Variants in KIF26B observed in about 807,000 individuals in gnomAD.
KIF26B encodes the protein kinesin-like protein KIF26B.
KIF26B carries 63 observed loss-of-function variants against 151.2 expected under a neutral mutation model. That is an observed-to-expected ratio of 0.42 (90% CI 0.34 to 0.51). The LOEUF is 0.51. Ranked by LOEUF, KIF26B falls within the 20% of genes least tolerant of loss-of-function variation. The pLI is 0.07. For synonymous variants in KIF26B, 1,357 were observed against 1,262.1 expected (o/e 1.08, Z -1.59); for missense variants, 2,813 against 2,913.6 (o/e 0.97, Z 0.79).
chr1:245,418,967 C>T (rs1024206349), intron 3 of KIF26B, among the ~76,000 whole-genome samples: 3 of 152,158 alleles, frequency 2.0e-5, no homozygotes, highest in South Asian at 2.1e-4. Flanking sequence ...AATGAACCAG[C>T]AGGAAAATGA....
intron 9 of KIF26B, among the ~76,000 whole-genome samples, chr1:245,632,506 A>G (rs1261277841): frequency 6.6e-6 from 1 of 152,254 alleles, no homozygotes; most frequent in Non-Finnish European, 1.5e-5. Context: ...CACTTGAATG[A>G]AATGCTCTCT....
Position 245,287,498 on chromosome 1 carries a change from C to CT in KIF26B, c.466-79317dup, listed in dbSNP as rs1334935128. Among the ~76,000 whole-genome samples, 215 of 109,316 alleles carry CT rather than the reference C, an allele frequency of 2.0e-3. 3 individuals carry two copies. The East Asian group carries it at 0.025, about 13-fold the overall frequency. The allele number at this position is 109,316 out of a possible 152,430, so 71.7% of individuals were successfully genotyped here. A position where few individuals can be genotyped will look rare whatever the true frequency, so the allele number is the denominator to read the frequency against. On this transcript the variant is annotated intron_variant, in intron 2 of 14. Transcript: ENST00000407071. Reference sequence around the variant, plus strand: ...CCCTGTGTGTCTCATCTCTCTCTCTCTTTTTTTTTTTTTTTTTTTCCTGTG... The same window carrying CT: ...CCCTGTGTGTCTCATCTCTCTCTCTCTTTTTTTTTTTTTTTTTTTTCCTGTG...
At chr1:245,176,789 G>C (rs73125054) in intron 2 of KIF26B, among the ~76,000 whole-genome samples, 2 of 151,972 alleles carry the variant, frequency 1.3e-5, no homozygotes, top group Non-Finnish European at 2.9e-5. Flanking sequence ...GACTTTTAAC[G>C]GTCATGTTTA....
At chr1:245,175,914 A>G (rs1467618045) in intron 2 of KIF26B, among the ~76,000 whole-genome samples, 1 of 123,268 alleles carries the variant, frequency 8.1e-6, no homozygotes, top group Non-Finnish European at 1.7e-5. Context: ...ATATATCTAT[A>G]TCTATATCTA....
chr1:245,543,807 GC>G (rs1270381687), intron 5 of KIF26B, among the ~76,000 whole-genome samples: 9 of 152,142 alleles, frequency 5.9e-5, no homozygotes. Flanking sequence ...AATTAGCCAA[GC>G]TTGGCGGCAC....
At chr1:245,251,839 G>T (rs1220006225) in intron 2 of KIF26B, among the ~76,000 whole-genome samples, 1 of 151,830 alleles carries the variant, frequency 6.6e-6, no homozygotes, top group Non-Finnish European at 1.5e-5. Flanking sequence ...TTGATTCTTG[G>T]CTCTTATGAC....
chr1:245,520,080 C>T (rs966660969), intron 4 of KIF26B, among the ~76,000 whole-genome samples: 4 of 134,522 alleles, frequency 3.0e-5, no homozygotes, highest in African/African-American at 2.8e-5. Flanking sequence ...ATTAAATTTT[C>T]GTAGTGTAAA....
chr1:245,370,315 C>T (rs1483669267), intron 3 of KIF26B, among the ~76,000 whole-genome samples: 1 of 151,684 alleles, frequency 6.6e-6, no homozygotes, highest in Non-Finnish European at 1.5e-5. Context: ...ATTTTCCACG[C>T]TATGGAGATG....
At chr1:245,421,821 A>C (rs1032348935) in intron 4 of KIF26B, among the ~76,000 whole-genome samples, 4 of 152,068 alleles carry the variant, frequency 2.6e-5, no homozygotes, top group Non-Finnish European at 4.4e-5. Flanking sequence ...TGTGGAAATG[A>C]GGGGGGCCTG....
intron 2 of KIF26B, among the ~76,000 whole-genome samples, chr1:245,156,976 C>T (rs1668448881): frequency 1.3e-5 from 2 of 152,366 alleles, no homozygotes; most frequent in African/African-American, 4.8e-5. Flanking sequence ...TCTCCTGCCG[C>T]CCCCTCCCAG....
chr1:245,343,028 G>A (rs1349133447), intron 2 of KIF26B, among the ~76,000 whole-genome samples: 1 of 149,212 alleles, frequency 6.7e-6, no homozygotes, highest in East Asian at 2.0e-4. Context: ...GGAGCTTGCA[G>A]TGAGCCGAGA....
chr1:245,662,485 CAATAT>C (rs1473816074), intron 10 of KIF26B, among the ~76,000 whole-genome samples: 1 of 76,732 alleles, frequency 1.3e-5, no homozygotes. Context: ...TACACACACC[CAATAT>C]ATATATATGT....
intron 9 of KIF26B, among the ~76,000 whole-genome samples, chr1:245,626,514 A>G (rs2043726239): frequency 6.6e-6 from 1 of 151,752 alleles, no homozygotes; most frequent in Non-Finnish European, 1.5e-5. Context: ...ACATTTTTTC[A>G]CATACCTGGT....
intron 10 of KIF26B, among the ~76,000 whole-genome samples, chr1:245,671,828 C>T (rs1486872358): frequency 6.6e-6 from 1 of 152,178 alleles, no homozygotes; most frequent in Non-Finnish European, 1.5e-5. Flanking sequence ...AAGGGCATTT[C>T]TGACTTGAAA....
intron 2 of KIF26B, among the ~76,000 whole-genome samples, chr1:245,333,006 G>A (rs1383166232): frequency 6.6e-6 from 1 of 152,094 alleles, no homozygotes; most frequent in Non-Finnish European, 1.5e-5. Context: ...GTGGTGCCAA[G>A]GATTTATTGG....
At chr1:245,437,980 TTCTC>T (rs996371493) in intron 4 of KIF26B, among the ~76,000 whole-genome samples, 4 of 152,146 alleles carry the variant, frequency 2.6e-5, no homozygotes, top group Non-Finnish European at 5.9e-5. Flanking sequence ...CATTACTCTC[TTCTC>T]TCTCTCTCCT....
chr1:245,562,170 C>T (rs146184818), intron 5 of KIF26B, among the ~76,000 whole-genome samples: 47 of 152,114 alleles, frequency 3.1e-4, no homozygotes, highest in Middle Eastern at 6.8e-3. Context: ...CTTCAGAGAA[C>T]GAATTATGCT....
chr1:245,210,998 A>G (rs1401471401), intron 2 of KIF26B, among the ~76,000 whole-genome samples: 3 of 152,158 alleles, frequency 2.0e-5, no homozygotes, highest in Non-Finnish European at 2.9e-5. Flanking sequence ...GACCAAAAAT[A>G]TATCCCTCAG....
intron 4 of KIF26B, among the ~76,000 whole-genome samples, chr1:245,499,064 C>CTT (rs375306847): frequency 4.2e-4 from 64 of 151,344 alleles, no homozygotes; most frequent in African/African-American, 1.5e-3. Context: ...CTTGGATTGC[C>CTT]TTTTTTTTTA....
Sources: allele counts gnomAD v4.1 joint callset (sites outside exome capture counted in the v4.1 genomes callset), GRCh38; gene constraint gnomAD v4.1.1; transcripts MANE v1.5; gene names NCBI Gene and HGNC (gene_info 2026-07-23, HGNC 2026-07-21).